DOCK8: variants seen among roughly 807,000 people sequenced by gnomAD.
DOCK8 encodes the protein dedicator of cytokinesis protein 8.
DOCK8 carries 141 observed loss-of-function variants against 245.6 expected under a neutral mutation model. That is an observed-to-expected ratio of 0.57 (90% CI 0.50 to 0.66). The LOEUF (loss-of-function observed/expected upper bound fraction) is 0.66, where lower values mean the gene tolerates loss of function less well. Among genes scored for constraint, DOCK8 ranks in the 30% least tolerant of loss-of-function variants. The pLI is 0.00. For synonymous variants in DOCK8, 1,168 were observed against 970.2 expected, an observed-to-expected ratio of 1.20 and a Z score of -3.79; for missense variants, 2,965 against 2,603.4, an observed-to-expected ratio of 1.14 and a Z score of -3.02.
chr9:446,167 C>A (rs1023667140), intron 43 of DOCK8, among the ~76,000 whole-genome samples: 2 of 152,212 alleles, frequency 1.3e-5, no homozygotes, highest in African/African-American at 4.8e-5. Context: ...GGCACATTCC[C>A]CTCTCCCTCC....
rs752992695 is a variant in DOCK8, at chr9:304,621, G to A, written c.445G>A (p.Gly149Arg). ...SPEICGFKKTGSRKDFHKTLP... is the reference protein window; with the variant it reads ...SPEICGFKKTRSRKDFHKTLP... ...AGAAATCTGTGGCTTTAAAAAGACT[G>A]GATCTCGAAAAGATTTTCACAAGAC... The change falls in exon 5 of 48, where the codon GGA becomes AGA. Residue 149 changes from glycine to arginine, a missense_variant. Gly to Arg is a moderately radical substitution (Grantham distance 125). Coordinates refer to ENST00000432829, the MANE Select transcript of DOCK8 (RefSeq NM_203447.4). 2 of 1,614,146 alleles carry A rather than the reference G, an allele frequency of 1.2e-6. No homozygotes were observed. Among genetic ancestry groups the A allele is most frequent in the East Asian group, 4.5e-5 (2 of 44,882 alleles).
At chr9:272,512 A>C (rs995371212) in intron 2 of DOCK8, among the ~76,000 whole-genome samples, 2 of 151,992 alleles carry the variant, frequency 1.3e-5, no homozygotes, top group African/African-American at 4.8e-5. Flanking sequence ...CATCCTCCCA[A>C]GTAGCCGGGA....
At chr9:400,771 C>T (rs1586916096) in intron 26 of DOCK8, among the ~76,000 whole-genome samples, 1 of 91,350 alleles carries the variant, frequency 1.1e-5, no homozygotes, top group Non-Finnish European at 2.3e-5. Context: ...CCACCTCCAC[C>T]ACCACCACCA....
chr9:387,911 T>C (rs2054022009), intron 23 of DOCK8, among the ~76,000 whole-genome samples: 1 of 152,198 alleles, frequency 6.6e-6, no homozygotes, highest in Non-Finnish European at 1.5e-5. Flanking sequence ...ATGACCAGAA[T>C]AGAGACATTT....
chr9:393,490 G>A (rs1007504601), intron 24 of DOCK8, among the ~76,000 whole-genome samples: 1 of 152,198 alleles, frequency 6.6e-6, no homozygotes, highest in Non-Finnish European at 1.5e-5. Flanking sequence ...TACAGATGGG[G>A]TTGGAGGAAG....
intron 1 of DOCK8, among the ~76,000 whole-genome samples, chr9:248,722 A>G (rs560858792): frequency 1.3e-5 from 2 of 152,026 alleles, no homozygotes; most frequent in African/African-American, 4.8e-5. Flanking sequence ...TTCCTGTCCT[A>G]TTCACCAACA....
chr9:297,946 T>G lies in DOCK8; in HGVS notation c.405-6635T>G, dbSNP rs532245994. On this transcript the variant is annotated intron_variant, in intron 4 of 47. Transcript: ENST00000432829. ...ATTGTGAACTGAACTTTTAACATTA[T>G]TGTGTAACTCATTTGTTAATGCCTA... 3.3e-5 allele frequency among the ~76,000 whole-genome samples: 5 copies of G among 152,300 alleles called. No individual in the cohort carries two copies. The South Asian group carries it at 6.2e-4, about 19-fold the overall frequency.
rs148427880 is a variant in DOCK8 at position 441,793 on chromosome 9, A to G, written c.5356-82A>G. ...AGGAGTAAAATGCTTTGTTAACACA[A>G]TGAGAGACCCCTGCCCTTTGCAACT... On this transcript the variant is annotated intron_variant, in intron 41 of 47. Coordinates refer to ENST00000432829, the MANE Select transcript of DOCK8 (RefSeq NM_203447.4). 1.8e-4 allele frequency: 288 copies of G among 1,570,722 alleles called. 2 individuals are homozygous for G. The African/African-American group carries it at 3.4e-3, about 18-fold the overall frequency.
intron 46 of DOCK8, chr9:452,984 A>G (rs911843425): frequency 2.0e-5 from 3 of 152,250 alleles, no homozygotes; most frequent in Non-Finnish European, 4.4e-5. Flanking sequence ...AATGTGTAGC[A>G]ATATTTCTTT....
chr9:365,516 A>G, intron 14 of DOCK8: 1 of 438,042 alleles, frequency 2.3e-6, no homozygotes, highest in Non-Finnish European at 4.5e-6. Flanking sequence ...CTTCTATTAT[A>G]GTAATGATAA....
At chr9:378,613 C>T (rs2053612874) in intron 20 of DOCK8, among the ~76,000 whole-genome samples, 2 of 152,224 alleles carry the variant, frequency 1.3e-5, no homozygotes, top group African/African-American at 4.8e-5. Flanking sequence ...TGTGCCCCCG[C>T]ATATGTGGCA....
intron 28 of DOCK8, among the ~76,000 whole-genome samples, chr9:409,039 C>G (rs1295246563): frequency 6.6e-6 from 1 of 152,190 alleles, no homozygotes; most frequent in Non-Finnish European, 1.5e-5. Flanking sequence ...GTCACAACTT[C>G]ATCATGTAAG....
chr9:293,968 C>T (rs1314621193), intron 4 of DOCK8, among the ~76,000 whole-genome samples: 1 of 152,250 alleles, frequency 6.6e-6, no homozygotes, highest in Non-Finnish European at 1.5e-5. Flanking sequence ...CCTTAACTCA[C>T]TCTTCACTGC....
At chr9:215,450 G>T (rs1358574195) in intron 1 of DOCK8, 2 of 1,494,104 alleles carry the variant, frequency 1.3e-6, no homozygotes, top group Non-Finnish European at 8.9e-7. Context: ...AAGTGAAGTG[G>T]CTGAAATTAG....
intron 46 of DOCK8, among the ~76,000 whole-genome samples, chr9:455,482 C>T (rs534581686): frequency 2.7e-4 from 41 of 152,222 alleles, no homozygotes; most frequent in Non-Finnish European, 5.3e-4. Context: ...TGCACTCCAG[C>T]CTGGGTGACA....
At chr9:247,994 AAAG>A (rs1587658277) in intron 1 of DOCK8, among the ~76,000 whole-genome samples, 1 of 151,812 alleles carries the variant, frequency 6.6e-6, no homozygotes, top group Non-Finnish European at 1.5e-5. Context: ...AAAAAAAAAA[AAAG>A]AAACAAAGTT....
At chr9:410,889 A>T (rs2055690376) in intron 28 of DOCK8, among the ~76,000 whole-genome samples, 1 of 152,256 alleles carries the variant, frequency 6.6e-6, no homozygotes, top group South Asian at 2.1e-4. Context: ...GATTCAACAC[A>T]ATCATATCAC....
intron 14 of DOCK8, among the ~76,000 whole-genome samples, chr9:367,346 G>C (rs10972570): frequency 0.35 from 53,186 of 152,018 alleles, 10,956 homozygotes; most frequent in African/African-American, 0.58. Flanking sequence ...TCAAAAACAT[G>C]AGAGAAAAAT....
chr9:223,395 T>C (rs762255558), intron 1 of DOCK8, among the ~76,000 whole-genome samples: 1 of 152,124 alleles, frequency 6.6e-6, no homozygotes, highest in Non-Finnish European at 1.5e-5. Context: ...AAGTGAGTCA[T>C]GGGCCTGCCT....
Sources: allele counts gnomAD v4.1 joint callset (sites outside exome capture counted in the v4.1 genomes callset), GRCh38; gene constraint gnomAD v4.1.1; transcripts MANE v1.5; gene names NCBI Gene and HGNC (gene_info 2026-07-23, HGNC 2026-07-21).